The following TWIST2 variants were observed in gnomAD, a reference collection of about 807,000 sequenced individuals.
TWIST2 encodes the protein twist family bHLH transcription factor 2.
In TWIST2, 1 loss-of-function variant was observed where a neutral mutation model predicts 11.6. The observed-to-expected ratio is 0.09, with a 90% CI of 0.03 to 0.41. The LOEUF (loss-of-function observed/expected upper bound fraction) is 0.41. Among genes scored for constraint, TWIST2 ranks in the 10% least tolerant of loss-of-function variants. TWIST2 has a pLI of 0.98. For missense variants in TWIST2, 168 were observed against 226.4 expected, an observed-to-expected ratio of 0.74 and a Z score of 1.66; for synonymous variants, 87 against 96.6, an observed-to-expected ratio of 0.90 and a Z score of 0.58.
intron 1 of TWIST2, among the ~76,000 whole-genome samples, chr2:238,872,483 G>C (rs36147132): frequency 0.29 from 44,648 of 152,062 alleles, 7,271 homozygotes; most frequent in Non-Finnish European, 0.37. Flanking sequence ...GTGTCTTTTT[G>C]TTTGTCTGCA....
In TWIST2 at chr2:238,873,141, T is replaced by C. The variant is rs572981705; in HGVS notation, c.*35+24408T>C. ...CAAGGATGCCTCCTCCTGGACACAG[T>C]AGGGAGGCCAGACCAAGGGGTGGCA... On this transcript the variant is annotated intron_variant, in intron 1 of 1. Transcript: ENST00000612363. Among the ~76,000 whole-genome samples, 55 of 152,254 alleles carry C rather than the reference T, an allele frequency of 3.6e-4. 1 individual carries two copies. In the South Asian group the frequency reaches 0.011, roughly 31 times the overall value.
intron 1 of TWIST2, among the ~76,000 whole-genome samples, chr2:238,879,643 G>A (rs1382907060): frequency 1.3e-5 from 2 of 152,210 alleles, no homozygotes; most frequent in African/African-American, 4.8e-5. Flanking sequence ...CTAGTGTCAA[G>A]TTAGTGGTTA....
chr2:238,900,817 C>T (rs1020361668), intron 1 of TWIST2, among the ~76,000 whole-genome samples: 22 of 152,106 alleles, frequency 1.4e-4, no homozygotes, highest in Non-Finnish European at 3.1e-4. Context: ...GAGATTTCTT[C>T]GTGATTCAGC....
At chr2:238,882,734 C>T (rs188980797) in intron 1 of TWIST2, among the ~76,000 whole-genome samples, 31 of 152,296 alleles carry the variant, frequency 2.0e-4, no homozygotes, top group Admixed American at 2.0e-3. Context: ...TTCCTTTTGT[C>T]CCATGATGAG....
intron 1 of TWIST2, among the ~76,000 whole-genome samples, chr2:238,878,248 G>A (rs1447740011): frequency 6.6e-6 from 1 of 152,126 alleles, no homozygotes; most frequent in South Asian, 2.1e-4. Flanking sequence ...GGATCCCTGT[G>A]CCACCAGTGG....
At chr2:238,906,357 C>G (rs1183176731) in intron 1 of TWIST2, among the ~76,000 whole-genome samples, 1 of 152,030 alleles carries the variant, frequency 6.6e-6, no homozygotes, top group Non-Finnish European at 1.5e-5. Context: ...GACACACGGA[C>G]CCACTCACGT....
chr2:238,855,079 G>A (rs1364204619), intron 1 of TWIST2, among the ~76,000 whole-genome samples: 2 of 152,182 alleles, frequency 1.3e-5, no homozygotes, highest in Non-Finnish European at 2.9e-5. Context: ...TTAGCTCGGC[G>A]GAAGAGTGCA....
intron 1 of TWIST2, among the ~76,000 whole-genome samples, chr2:238,883,295 C>T (rs368932605): frequency 1.3e-5 from 2 of 152,130 alleles, no homozygotes; most frequent in African/African-American, 2.4e-5. Context: ...GCAGGATCCA[C>T]GAACACCGTG....
At chr2:238,856,950 G>A (rs1249128543) in intron 1 of TWIST2, among the ~76,000 whole-genome samples, 1 of 152,154 alleles carries the variant, frequency 6.6e-6, no homozygotes, top group Non-Finnish European at 1.5e-5. Flanking sequence ...ACACTGCCCA[G>A]CAAAGTGTGT....
At chr2:238,891,501 G>A (rs771666503) in intron 1 of TWIST2, among the ~76,000 whole-genome samples, 1 of 152,218 alleles carries the variant, frequency 6.6e-6, no homozygotes, top group Non-Finnish European at 1.5e-5. Flanking sequence ...AGGCCTGCGG[G>A]CTCCCAGGTG....
intron 1 of TWIST2, among the ~76,000 whole-genome samples, 152 bp downstream of exon 1, chr2:238,848,885 G>A (rs1034761712): frequency 1.3e-5 from 2 of 152,136 alleles, no homozygotes; most frequent in Non-Finnish European, 2.9e-5. Flanking sequence ...CAAGGAAGGC[G>A]GGCGGGCGGG....
At position 238,867,451 on chromosome 2, in the gene TWIST2, A is replaced by G. The variant is rs149985948; in HGVS notation, c.*35+18718A>G. On this transcript the variant is annotated intron_variant, in intron 1 of 1. Coordinates refer to ENST00000612363, the MANE Select transcript of TWIST2 (RefSeq NM_001271893.4). The surrounding 1 kb of genome is among the most constrained non-coding windows in gnomAD (Gnocchi z 4.8). Reference sequence around the variant, plus strand: ...ACCCAGTTCTCACCAGGCTTTATGCAGTGGCTCTGGGGGCAGGGGCACAAT... The same window carrying G: ...ACCCAGTTCTCACCAGGCTTTATGCGGTGGCTCTGGGGGCAGGGGCACAAT... Among the ~76,000 whole-genome samples the G allele has an allele frequency of 8.7e-3, 1,316 of 150,888 alleles. 28 individuals carry two copies. Among genetic ancestry groups the G allele is most frequent in the African/African-American group, 0.03 (1,239 of 41,018 alleles).
chr2:238,897,617 G>A (rs1693221343), intron 1 of TWIST2, among the ~76,000 whole-genome samples: 2 of 152,236 alleles, frequency 1.3e-5, no homozygotes, highest in African/African-American at 4.8e-5. Context: ...AGAGCTCGCA[G>A]TGCAGATGTG....
chr2:238,867,851 G>A lies in TWIST2; in HGVS notation c.*35+19118G>A, dbSNP rs1273138956. On this transcript the variant is annotated intron_variant, in intron 1 of 1. Transcript: ENST00000612363. The surrounding 1 kb of genome is among the most constrained non-coding windows in gnomAD (Gnocchi z 4.8). ...CTCGAAGGCGGGAGGGAGAGAAGTG[G>A]GAGGCAAAGGCTGGGGATGGCCGGA... is the stretch of plus-strand genomic sequence containing the variant. Among the ~76,000 whole-genome samples the A allele has an allele frequency of 6.6e-6, 1 of 152,190 alleles. No homozygotes were observed. Among genetic ancestry groups the A allele is most frequent in the East Asian group, 1.9e-4 (1 of 5,180 alleles).
At chr2:238,900,012 C>T (rs1260684708) in intron 1 of TWIST2, among the ~76,000 whole-genome samples, 6 of 152,120 alleles carry the variant, frequency 3.9e-5, no homozygotes, top group African/African-American at 1.4e-4. Context: ...GGAAGTGGTC[C>T]TTCATCTTTA....
At chr2:238,902,768 G>A (rs1693288651) in intron 1 of TWIST2, among the ~76,000 whole-genome samples, 1 of 143,858 alleles carries the variant, frequency 7.0e-6, no homozygotes, top group African/African-American at 2.6e-5. Flanking sequence ...TGTGCGTGAT[G>A]TGAGGTGTGT....
chr2:238,848,380 C>T lies in TWIST2; in HGVS notation c.165C>T (p.Ser55=), dbSNP rs1692172092. Residue 55 remains serine, a synonymous_variant, in exon 1 of 2, where the codon AGC becomes AGT. Transcript: ENST00000612363. ...PTPGKRGKKG[S]PSAQSFEELQ... Reference sequence around the variant, plus strand: ...CGGGCAAGCGCGGCAAGAAGGGCAGCCCCAGCGCGCAGTCCTTCGAGGAGC... The same window carrying T: ...CGGGCAAGCGCGGCAAGAAGGGCAGTCCCAGCGCGCAGTCCTTCGAGGAGC... The T allele has an allele frequency of 6.5e-7, 1 of 1,534,930 alleles. No homozygotes were observed. The highest frequency in any genetic ancestry group is 8.7e-7 in the Non-Finnish European group (1 of 1,146,012).
intron 1 of TWIST2, among the ~76,000 whole-genome samples, chr2:238,855,415 C>T (rs1692312893): frequency 6.6e-6 from 1 of 152,172 alleles, no homozygotes; most frequent in South Asian, 2.1e-4. Context: ...TCCCAAATTG[C>T]ATACTACATA....
chr2:238,872,918 G>T (rs1337723597), intron 1 of TWIST2, among the ~76,000 whole-genome samples: 2 of 152,216 alleles, frequency 1.3e-5, no homozygotes, highest in African/African-American at 4.8e-5. Flanking sequence ...CTGGCTGTTT[G>T]CAGTCCTTCT....
Sources: allele counts gnomAD v4.1 joint callset (sites outside exome capture counted in the v4.1 genomes callset), GRCh38; gene constraint gnomAD v4.1.1; non-coding constraint Gnocchi (gnomAD v3.1); transcripts MANE v1.5; gene names NCBI Gene and HGNC (gene_info 2026-07-23, HGNC 2026-07-21).